Variants in USP48 observed in about 807,000 individuals in gnomAD.
USP48 encodes the protein ubiquitin carboxyl-terminal hydrolase 48.
Under a neutral mutation model 150.7 loss-of-function variants are expected in USP48, and 43 were observed. The ratio of observed to expected loss-of-function variants is 0.29; its 90% CI spans 0.22 to 0.37. The LOEUF is 0.37. Among genes scored for constraint, USP48 ranks in the 10% least tolerant of loss-of-function variants. The pLI, the probability that USP48 is intolerant of heterozygous loss-of-function variation, is 1.00. For missense variants in USP48, 813 were observed against 1,249.6 expected, an observed-to-expected ratio of 0.65 and a Z score of 5.27; for synonymous variants, 396 against 425.9, an observed-to-expected ratio of 0.93 and a Z score of 0.86.
intron 25 of USP48, 85 bp downstream of exon 25, chr1:21,687,106 C>G: frequency 1.6e-6 from 2 of 1,279,004 alleles, no homozygotes; most frequent in Non-Finnish European, 2.2e-6. Flanking sequence ...AAAGTAAAAG[C>G]ACTGTACACT....
At chr1:21,763,600 G>A (rs1364851455) in intron 1 of USP48, among the ~76,000 whole-genome samples, 3 of 152,204 alleles carry the variant, frequency 2.0e-5, no homozygotes, top group African/African-American at 7.2e-5. Flanking sequence ...GATCACCTGA[G>A]GTCGGGAGTT....
At chr1:21,733,191 G>A (rs1464014278) in intron 9 of USP48, among the ~76,000 whole-genome samples, 3 of 152,076 alleles carry the variant, frequency 2.0e-5, no homozygotes, top group Non-Finnish European at 4.4e-5. Flanking sequence ...CGAGGCAGGC[G>A]GATCACTTGA....
chr1:21,700,564 A>G (rs1438380391), intron 22 of USP48, among the ~76,000 whole-genome samples: 1 of 152,242 alleles, frequency 6.6e-6, no homozygotes, highest in East Asian at 1.9e-4. Flanking sequence ...TAACACTTTC[A>G]TTCTTTCAGG....
intron 1 of USP48, among the ~76,000 whole-genome samples, chr1:21,771,391 TATTA>T (rs958906675): frequency 1.3e-5 from 2 of 149,022 alleles, no homozygotes; most frequent in African/African-American, 2.4e-5. Flanking sequence ...AATAAATTAT[TATTA>T]ATTATTAATA....
intron 3 of USP48, 119 bp from the exon 4 acceptor site, chr1:21,753,238 TTTA>T (rs1171393154): frequency 9.4e-7 from 1 of 1,063,624 alleles, no homozygotes; most frequent in African/African-American, 1.6e-5. Flanking sequence ...AGATTAATAC[TTTA>T]TTATCATTTT....
intron 21 of USP48, among the ~76,000 whole-genome samples, chr1:21,702,258 A>G (rs1401447427): frequency 6.6e-6 from 1 of 152,076 alleles, no homozygotes; most frequent in Non-Finnish European, 1.5e-5. Flanking sequence ...ATTATAAGTT[A>G]CCCTTCTAAA....
chr1:21,752,138 A>C (rs2097817471), intron 5 of USP48, among the ~76,000 whole-genome samples: 1 of 152,198 alleles, frequency 6.6e-6, no homozygotes. Flanking sequence ...ACATGAATAT[A>C]TCGCACTGTG....
intron 8 of USP48, among the ~76,000 whole-genome samples, chr1:21,739,347 C>T (rs1330224726): frequency 6.6e-6 from 1 of 151,526 alleles, no homozygotes; most frequent in African/African-American, 2.4e-5. Flanking sequence ...GGTGAAACCC[C>T]CTCTCTACTA....
At chr1:21,751,932 C>G (rs532991167) in intron 5 of USP48, among the ~76,000 whole-genome samples, 2 of 149,658 alleles carry the variant, frequency 1.3e-5, no homozygotes, top group African/African-American at 4.9e-5. Flanking sequence ...GCAGGAGAAT[C>G]GCTTGAACCT....
chr1:21,709,007 T>C (rs944548998), intron 15 of USP48, among the ~76,000 whole-genome samples: 3 of 151,112 alleles, frequency 2.0e-5, no homozygotes, highest in African/African-American at 7.3e-5. Context: ...CCTCCTGGGC[T>C]CAAGCGATCC....
chr1:21,726,809 G>A (rs1472933378), intron 11 of USP48, among the ~76,000 whole-genome samples: 1 of 152,060 alleles, frequency 6.6e-6, no homozygotes, highest in Non-Finnish European at 1.5e-5. Context: ...CAAAGGCCAT[G>A]GACATAATCA....
In USP48 at chr1:21,712,154, T is replaced by G. The variant is rs143819594; in HGVS notation, c.1963+3235A>C. 2.6e-3 allele frequency among the ~76,000 whole-genome samples: 401 copies of G among 152,178 alleles called. 2 individuals carry two copies. Among genetic ancestry groups the G allele is most frequent in the African/African-American group, 9.2e-3 (380 of 41,520 alleles). On this transcript the variant is annotated intron_variant, in intron 15 of 26. Transcript: ENST00000308271. Reference sequence around the variant, plus strand: ...CAGGCAGATCAACTGAGGTCAGGAGTTCGAGACCAGTCTGGCCAACATGGC... The same window carrying G: ...CAGGCAGATCAACTGAGGTCAGGAGGTCGAGACCAGTCTGGCCAACATGGC...
intron 22 of USP48, among the ~76,000 whole-genome samples, chr1:21,699,352 C>T (rs1389647477): frequency 1.3e-5 from 2 of 151,234 alleles, no homozygotes; most frequent in African/African-American, 4.9e-5. Context: ...GTGCCCGCCA[C>T]CACGCCCGGC....
In USP48 at chr1:21,703,638, A is replaced by AC. The variant is rs780714909; in HGVS notation, c.2516-21_2516-20insG. 2 of 1,489,440 alleles carry AC rather than the reference A, an allele frequency of 1.3e-6. No homozygotes were observed. Among genetic ancestry groups the AC allele is most frequent in the African/African-American group, 2.8e-5 (2 of 70,968 alleles). 92.3% of individuals were successfully genotyped at this position (1,489,440 alleles called of 1,614,324 possible). ...AGAGTTCTTTGGGGGAAAAAAAAAAAGGGAAAACAGAAGTGGCTGAGGAAT... is the reference window on the plus strand; with the variant it reads ...AGAGTTCTTTGGGGGAAAAAAAAAAACGGGAAAACAGAAGTGGCTGAGGAAT... On this transcript the variant is annotated intron_variant, in intron 20 of 26. Coordinates refer to ENST00000308271, the MANE Select transcript of USP48 (RefSeq NM_032236.8).
chr1:21,728,195 T>C, intron 11 of USP48: 1 of 1,001,328 alleles, frequency 1.0e-6, no homozygotes, highest in Non-Finnish European at 1.2e-6. Context: ...CTGTTAAAAC[T>C]GTTAGGTCAC....
Position 21,782,874 on chromosome 1 carries a change from G to T in USP48, c.84C>A (p.Ile28=), listed in dbSNP as rs779839434. Reference sequence around the variant, plus strand: ...CCAGCCAGATGCGGTAAGCGGTCTCGATGTGCTCCTGCGACACCTCCTCGG... The same window carrying T: ...CCAGCCAGATGCGGTAAGCGGTCTCTATGTGCTCCTGCGACACCTCCTCGG... The part of the protein sequence containing the change: ...VRPEEVSQEH[I]ETAYRIWLEP... Residue 28 remains isoleucine (I), a synonymous_variant, in exon 1 of 27, where the codon ATC becomes ATA. Coordinates refer to ENST00000308271, the MANE Select transcript of USP48 (RefSeq NM_032236.8). 5 of 1,560,904 alleles carry T rather than the reference G, an allele frequency of 3.2e-6. No homozygotes were observed. The highest frequency in any genetic ancestry group is 1.8e-4 in the Middle Eastern group (1 of 5,546).
At chr1:21,717,960 A>C (rs568338204) in intron 14 of USP48, among the ~76,000 whole-genome samples, 28 of 152,232 alleles carry the variant, frequency 1.8e-4, no homozygotes, top group South Asian at 4.1e-4. Context: ...ACAAAACAAA[A>C]CTGATGTGAC....
At position 21,705,760 on chromosome 1, in the gene USP48, G is replaced by A; in HGVS notation, c.2351C>T (p.Thr784Ile). The A allele has an allele frequency of 1.9e-6, 3 of 1,611,564 alleles. No individual in the cohort carries two copies. Among genetic ancestry groups the A allele is most frequent in the Non-Finnish European group, 2.5e-6 (3 of 1,179,260 alleles). Reference sequence around the variant, plus strand: ...ATCTTCTTTGGTCATGGAAGCAAATGTAAACATGAGGCCCCCGTGGGGACA... The same window carrying A: ...ATCTTCTTTGGTCATGGAAGCAAATATAAACATGAGGCCCCCGTGGGGACA... ...LLCPHGGLMF[T>I]FASMTKEDSK... The change falls in exon 19 of 27, where the codon ACA (threonine) becomes ATA (isoleucine). Residue 784 changes from threonine to isoleucine, a missense_variant. Thr to Ile is a moderately conservative substitution (Grantham distance 89, BLOSUM62 -1). Coordinates refer to ENST00000308271, the MANE Select transcript of USP48 (RefSeq NM_032236.8).
At chr1:21,741,520 A>G (rs545002285) in intron 8 of USP48, among the ~76,000 whole-genome samples, 1 of 152,226 alleles carries the variant, frequency 6.6e-6, no homozygotes, top group Non-Finnish European at 1.5e-5. Flanking sequence ...GACCCTTACT[A>G]AAAGAATTTT....
Sources: allele counts gnomAD v4.1 joint callset (sites outside exome capture counted in the v4.1 genomes callset), GRCh38; gene constraint gnomAD v4.1.1; transcripts MANE v1.5; gene names NCBI Gene and HGNC (gene_info 2026-07-23, HGNC 2026-07-21).